Variants in SYNGR4 observed in about 807,000 individuals in gnomAD.
SYNGR4 encodes the protein synaptogyrin-4.
Under a neutral mutation model 15.5 loss-of-function variants are expected in SYNGR4, and 15 were observed. That is an observed-to-expected ratio of 0.97 (90% CI 0.65 to 1.49). SYNGR4 has a LOEUF of 1.49. Ranked by LOEUF, SYNGR4 falls within the 40% of genes most tolerant of loss-of-function variation. The pLI is 0.00. For missense variants in SYNGR4, 292 were observed against 299.3 expected (o/e 0.98, Z 0.18); for synonymous variants, 121 against 127.4 (o/e 0.95, Z 0.34).
intron 1 of SYNGR4, 78 bp from the exon 2 acceptor site, chr19:48,365,658 T>TCC: frequency 7.0e-6 from 1 of 143,084 alleles, no homozygotes; most frequent in Non-Finnish European, 1.4e-5. Context: ...CCACCCCATG[T>TCC]CCCCCAATCC....
In SYNGR4 at chr19:48,371,321, C is replaced by T. The variant is rs1970300930; in HGVS notation, c.94-2196C>T. Among the ~76,000 whole-genome samples, 5 of 152,142 alleles carry T rather than the reference C, an allele frequency of 3.3e-5. No individual in the cohort carries two copies. The South Asian group carries it at 6.2e-4, about 19-fold the overall frequency. On this transcript the variant is annotated intron_variant, in intron 2 of 4. Transcript: ENST00000344846. ...CTGGCTTCCACCTTGACTCTCTCCC[C>T]CACCCCAGGCCCCAGCCTCCTCCCC... is the stretch of plus-strand genomic sequence containing the variant.
intron 2 of SYNGR4, 86 bp from the exon 3 acceptor site, chr19:48,373,431 T>A: frequency 8.6e-7 from 1 of 1,158,416 alleles, no homozygotes; most frequent in Non-Finnish European, 1.3e-6. Context: ...TGACTGGGTA[T>A]ACGGAAAGAC....
At chr19:48,367,596 G>A (rs1970242022) in intron 2 of SYNGR4, among the ~76,000 whole-genome samples, 1 of 152,224 alleles carries the variant, frequency 6.6e-6, no homozygotes, top group African/African-American at 2.4e-5. Flanking sequence ...AGTTGAGGGA[G>A]GAGGAGAAGG....
At chr19:48,364,920 C>T (rs1282954500) in intron 1 of SYNGR4, among the ~76,000 whole-genome samples, 1 of 151,930 alleles carries the variant, frequency 6.6e-6, no homozygotes, top group Admixed American at 6.6e-5. Flanking sequence ...CAGCCCTCCC[C>T]TGCACTCCAC....
In SYNGR4 at chr19:48,376,364, G is replaced by C. The variant is rs374051336; in HGVS notation, c.*46G>C. The stretch of plus-strand genomic sequence containing the variant: ...AAAGAGAGAATCCTCCCTCCAGAAG[G>C]GTTTCTAAAAACAGCCCTCAGTCCT... On this transcript the variant is annotated 3_prime_UTR_variant, in exon 5 of 5. Transcript: ENST00000344846. The C allele has an allele frequency of 4.2e-5, 66 of 1,588,612 alleles. No individual in the cohort carries two copies. In the South Asian group the frequency reaches 6.8e-4, roughly 16 times the overall value.
upstream of SYNGR4, chr19:48,364,323 T>G (rs1600936203): frequency 6.2e-6 from 1 of 161,370 alleles, no homozygotes; most frequent in Non-Finnish European, 1.1e-5. Flanking sequence ...CAATCAGCTG[T>G]GGAGGAGCGA....
At chr19:48,368,767 C>G (rs1970258574) in intron 2 of SYNGR4, among the ~76,000 whole-genome samples, 1 of 152,206 alleles carries the variant, frequency 6.6e-6, no homozygotes, top group South Asian at 2.1e-4. Context: ...TTGTCCTCCC[C>G]CAGGGAAAGA....
chr19:48,374,833 G>T (rs2147411319), intron 3 of SYNGR4, among the ~76,000 whole-genome samples: 1 of 151,990 alleles, frequency 6.6e-6, no homozygotes, highest in East Asian at 2.0e-4. Context: ...AAAATTAGCT[G>T]GGCAGGGAGG....
At chr19:48,373,377 G>T in intron 2 of SYNGR4, 140 bp from the exon 3 acceptor site, 1 of 736,272 alleles carries the variant, frequency 1.4e-6, no homozygotes. Context: ...TGAGGGCTCT[G>T]ACACTGTGAC....
At chr19:48,375,472 A>G in intron 3 of SYNGR4, 141 bp from the exon 4 acceptor site, 1 of 1,055,202 alleles carries the variant, frequency 9.5e-7, no homozygotes, top group Non-Finnish European at 1.4e-6. Flanking sequence ...GTGTCAACAT[A>G]GAAGCTAATA....
chr19:48,370,044 G>A (rs189901616), intron 2 of SYNGR4, among the ~76,000 whole-genome samples: 325 of 152,326 alleles, frequency 2.1e-3, no homozygotes, highest in Non-Finnish European at 4.1e-3. Context: ...GAGAAGGGAG[G>A]ATGGACGGAA....
At chr19:48,367,759 C>T (rs960979957) in intron 2 of SYNGR4, among the ~76,000 whole-genome samples, 1 of 152,190 alleles carries the variant, frequency 6.6e-6, no homozygotes, top group African/African-American at 2.4e-5. Flanking sequence ...GAGTCAAATC[C>T]TCATTCAGCC....
In SYNGR4 at chr19:48,375,766, C is replaced by G. The variant is rs113111145; in HGVS notation, c.471+14C>G. On this transcript the variant is annotated intron_variant, in intron 4 of 4. Coordinates refer to ENST00000344846, the MANE Select transcript of SYNGR4 (RefSeq NM_012451.4). Reference sequence around the variant, plus strand: ...ATCCTTGTCTGGGTGAGGACAAGCCCCTCCACCACCCCTCCCTAGGAGGGC... The same window carrying G: ...ATCCTTGTCTGGGTGAGGACAAGCCGCTCCACCACCCCTCCCTAGGAGGGC... 6.2e-7 allele frequency: 1 copy of G among 1,606,798 alleles called. No homozygotes were observed.
intron 2 of SYNGR4, among the ~76,000 whole-genome samples, chr19:48,368,841 C>T (rs1970260340): frequency 6.6e-6 from 1 of 152,234 alleles, no homozygotes; most frequent in Admixed American, 6.5e-5. Context: ...CTCTACTCCT[C>T]ACCACAACCC....
rs757497936 is a variant in SYNGR4, at chr19:48,375,663, T to A, written c.382T>A (p.Trp128Arg). ...GGGTTTCTGCTTCCTGGCCAACCAA[T>A]GGCAGCATTCGCCGCCCAAAGAGTT... ...FMGFCFLANQ[W>R]QHSPPKEFLL... Residue 128 changes from tryptophan (W) to arginine (R), a missense_variant, in exon 4 of 5, where the codon TGG becomes AGG. Transcript: ENST00000344846. 13 of 1,614,044 alleles carry A rather than the reference T, an allele frequency of 8.1e-6. No individual in the cohort carries two copies. The South Asian group carries it at 1.1e-4, about 14-fold the overall frequency.
chr19:48,375,709 C>T lies in SYNGR4; in HGVS notation c.428C>T (p.Ala143Val), dbSNP rs1970391413. 6.2e-7 allele frequency: 1 copy of T among 1,614,034 alleles called. No homozygotes were observed. The highest frequency in any genetic ancestry group is 1.1e-5 in the South Asian group (1 of 91,080). The change falls in exon 4 of 5, where the codon GCC becomes GTC. Residue 143 changes from alanine to valine, a missense_variant. Ala to Val is a moderately conservative substitution (Grantham distance 64). Coordinates refer to ENST00000344846, the MANE Select transcript of SYNGR4 (RefSeq NM_012451.4). Reference protein sequence around the residue: ...PKEFLLGSSSAQAAIAFTFFS... With the variant: ...PKEFLLGSSSVQAAIAFTFFS... ...GAGTTCCTCCTGGGGAGCAGCAGTG[C>T]CCAGGCAGCCATCGCCTTCACCTTC...
intron 2 of SYNGR4, among the ~76,000 whole-genome samples, chr19:48,370,028 G>T (rs1970280627): frequency 6.6e-6 from 1 of 152,162 alleles, no homozygotes; most frequent in African/African-American, 2.4e-5. Context: ...GGCAATTAAG[G>T]CAAAGGAGAA....
chr19:48,373,567 C>A lies in SYNGR4; in HGVS notation c.144C>A (p.Asn48Lys). The change falls in exon 3 of 5, where the codon AAC becomes AAA. Residue 48 changes from asparagine (N) to lysine (K), a missense_variant. Coordinates refer to ENST00000344846, the MANE Select transcript of SYNGR4 (RefSeq NM_012451.4). Reference sequence around the variant, plus strand: ...CCCTGCTGACCGACGGCTACCAGAACAAGATGGAGTCTCCGCAGCTCCACT... The same window carrying A: ...CCCTGCTGACCGACGGCTACCAGAAAAAGATGGAGTCTCCGCAGCTCCACT... ...FSSLLTDGYQNKMESPQLHCI... is the reference protein window; with the variant it reads ...FSSLLTDGYQKKMESPQLHCI... The A allele has an allele frequency of 6.2e-7, 1 of 1,613,884 alleles. No individual in the cohort carries two copies. The highest frequency in any genetic ancestry group is 1.3e-5 in the African/African-American group (1 of 75,044).
At chr19:48,375,904 C>T (rs1308248475) in intron 4 of SYNGR4, 152 bp downstream of exon 4, 26 of 1,508,728 alleles carry the variant, frequency 1.7e-5, no homozygotes, top group African/African-American at 8.4e-5. Flanking sequence ...TTCCAGGTGC[C>T]GCTTCCTCTG....
Sources: gnomAD v4.1 joint callset for allele counts (sites outside exome capture counted in the v4.1 genomes callset) on GRCh38, gnomAD v4.1.1 for gene constraint, MANE v1.5 for transcripts, NCBI Gene and HGNC (gene_info 2026-07-23, HGNC 2026-07-21) for gene names.